Variants in LTF observed in about 807,000 individuals in gnomAD.
LTF encodes epididymis luminal protein 110.
Under a neutral mutation model 87.2 loss-of-function variants are expected in LTF, and 91 were observed. The observed-to-expected ratio is 1.04, with a 90% confidence interval of 0.88 to 1.24. The LOEUF (loss-of-function observed/expected upper bound fraction) is 1.24. Ranked by LOEUF, LTF falls within the 50% of genes most tolerant of loss-of-function variation. The pLI is 0.00. For missense variants in LTF, 901 were observed against 904.3 expected, an observed-to-expected ratio of 1.00 and a Z score of 0.05; for synonymous variants, 378 against 356.1, an observed-to-expected ratio of 1.06 and a Z score of -0.69.
rs1559614520 is a variant in LTF at position 46,482,546 on chromosome 3, AAGG to A, written c.-320+2437_-320+2439del. ...AAGGGAAGGGAAGGGAAGGGAAGGG[AAGG>A]GAAGGGAAGGGAAGGGAAGGGAAAG... On this transcript the variant is annotated intron_variant, in intron 1 of 19. Coordinates refer to the LTF transcript ENST00000443496. 1.6e-4 allele frequency among the ~76,000 whole-genome samples: 16 copies of A among 101,606 alleles called. 2 individuals carry two copies. In the South Asian group the frequency reaches 2.7e-3, roughly 17 times the overall value. 66.7% of individuals were successfully genotyped at this position (101,606 alleles called of 152,430 possible).
intron 1 of LTF, among the ~76,000 whole-genome samples, chr3:46,473,942 C>G (rs1703325531): frequency 6.6e-6 from 1 of 152,110 alleles, no homozygotes; most frequent in African/African-American, 2.4e-5. Context: ...CTACGGTAAC[C>G]ACTACGTAAC....
intron 1 of LTF, among the ~76,000 whole-genome samples, chr3:46,480,665 T>C (rs762293164): frequency 3.3e-5 from 5 of 152,136 alleles, no homozygotes; most frequent in Non-Finnish European, 5.9e-5. Context: ...AAGAGGACAA[T>C]GGCACATTCA....
intron 1 of LTF, among the ~76,000 whole-genome samples, chr3:46,471,052 C>T (rs1309631803): frequency 6.6e-6 from 1 of 152,182 alleles, no homozygotes; most frequent in East Asian, 1.9e-4. Flanking sequence ...GTGAGAGGGG[C>T]TGCATGGACC....
chr3:46,463,747 C>A (rs1206721597), intron 1 of LTF: 1 of 602,210 alleles, frequency 1.7e-6, no homozygotes, highest in African/African-American at 2.0e-5. Context: ...TAACCCTGTG[C>A]AACAGGCCAC....
rs1308285000 is a variant in LTF, at chr3:46,450,165, A to G, written c.883-137T>C. ...AGCCTCGGTTGAGACCCTCCTGCAG[A>G]GGGACTTGTGCCATCTCGGAGACCC... On this transcript the variant is annotated intron_variant, in intron 7 of 16. Coordinates refer to ENST00000231751, the MANE Select transcript of LTF (RefSeq NM_002343.6). 33 of 730,366 alleles carry G rather than the reference A, an allele frequency of 4.5e-5. No individual in the cohort carries two copies. The East Asian group carries it at 8.9e-4, about 20-fold the overall frequency. 45.2% of individuals were successfully genotyped at this position (730,366 alleles called of 1,614,324 possible). A position where few individuals can be genotyped will look rare whatever the true frequency, so the allele number is the denominator to read the frequency against.
rs1013427759 is a variant in LTF, at chr3:46,439,548, G to A, written c.1724-68C>T. 4.4e-5 allele frequency: 62 copies of A among 1,420,942 alleles called. No individual in the cohort carries two copies. The East Asian group carries it at 1.4e-3, about 32-fold the overall frequency. The allele number at this position is 1,420,942 out of a possible 1,614,324, so 88.0% of individuals were successfully genotyped here. A position where few individuals can be genotyped will look rare whatever the true frequency, so the allele number is the denominator to read the frequency against. On this transcript the variant is annotated intron_variant, in intron 14 of 16. Coordinates refer to ENST00000231751, the MANE Select transcript of LTF (RefSeq NM_002343.6). ...TTAGCCAAGAAGTCTCTTCTGGGTG[G>A]GTGTGGCCATTCCACTGACCTCCCA...
chr3:46,436,102 G>A lies in LTF; in HGVS notation c.*93C>T. The A allele has an allele frequency of 8.2e-7, 1 of 1,223,622 alleles. No homozygotes were observed. Among genetic ancestry groups the A allele is most frequent in the Non-Finnish European group, 1.2e-6 (1 of 827,490 alleles). The allele number at this position is 1,223,622 out of a possible 1,614,324, so 75.8% of individuals were successfully genotyped here. On this transcript the variant is annotated 3_prime_UTR_variant, in exon 17 of 17. Coordinates refer to ENST00000231751, the MANE Select transcript of LTF (RefSeq NM_002343.6). ...GGATGGGCAATCCCCACCTTCAGCA[G>A]GGGAGGCCAAGGCCCCAACACACCT...
In LTF at chr3:46,449,920, G is replaced by A. The variant is rs970565257; in HGVS notation, c.991C>T (p.Pro331Ser). The A allele has an allele frequency of 1.2e-6, 2 of 1,614,156 alleles. No individual in the cohort carries two copies. Among genetic ancestry groups the A allele is most frequent in the Admixed American group, 3.3e-5 (2 of 60,020 alleles). ...DSAIGFSRVP[P>S]RIDSGLYLGS... ...AGGTACAGCCCAGAATCTATCCTCG[G>A]GGGCACCCTCGAAAACCCAATGGCA... Residue 331 changes from proline to serine, a missense_variant, in exon 8 of 17, where the codon CCG (proline) becomes TCG (serine). Pro to Ser is a moderately conservative substitution (Grantham distance 74, BLOSUM62 -1). Transcript: ENST00000231751.
Position 46,445,342 on chromosome 3 carries a change from C to T in LTF, c.1452G>A (p.Arg484=), listed in dbSNP as rs773767772. ...CCATGGGGATATTCCAGCCTGCAGT[C>T]CTGTCCACGGCGGTGTGGCAGGACT... ...GKKSCHTAVD[R]TAGWNIPMGL... is the part of the protein sequence containing the mutation. Residue 484 remains arginine, a synonymous_variant, in exon 12 of 17, where the codon AGG becomes AGA. Transcript: ENST00000231751. The T allele has an allele frequency of 6.2e-7, 1 of 1,614,046 alleles. No homozygotes were observed. Among genetic ancestry groups the T allele is most frequent in the Non-Finnish European group, 8.5e-7 (1 of 1,179,974 alleles).
In LTF at chr3:46,456,777, T is replaced by C. The variant is rs138907680; in HGVS notation, c.208-379A>G. Among the ~76,000 whole-genome samples the C allele has an allele frequency of 1.2e-3, 185 of 152,364 alleles. 2 individuals carry two copies. Among genetic ancestry groups the C allele is most frequent in the African/African-American group, 4.3e-3 (178 of 41,592 alleles). ...AGAAAATATAGTTATTAAGCTATCC[T>C]AAAATTTTCATAAGAAACCATGTTC... On this transcript the variant is annotated intron_variant, in intron 2 of 16. Coordinates refer to ENST00000231751, the MANE Select transcript of LTF (RefSeq NM_002343.6).
intron 6 of LTF, among the ~76,000 whole-genome samples, chr3:46,452,327 G>A (rs894217825): frequency 7.2e-5 from 11 of 152,050 alleles, no homozygotes; most frequent in African/African-American, 2.7e-4. Context: ...ACCCACAAAG[G>A]AAAAATTTTA....
In LTF at chr3:46,455,844, G is replaced by C; in HGVS notation, c.451C>G (p.Leu151Val). 2 of 1,602,930 alleles carry C rather than the reference G, an allele frequency of 1.2e-6. No homozygotes were observed. Among genetic ancestry groups the C allele is most frequent in the Non-Finnish European group, 1.7e-6 (2 of 1,174,652 alleles). Residue 151 changes from leucine to valine, a missense_variant, in exon 4 of 17, where the codon CTT (leucine) becomes GTT (valine). Physicochemically the swap from Leu to Val is conservative, Grantham distance 32. Coordinates refer to ENST00000231751, the MANE Select transcript of LTF (RefSeq NM_002343.6). Reference protein sequence around the residue: ...TAGWNVPIGTLRPFLNWTGPP... With the variant: ...TAGWNVPIGTVRPFLNWTGPP... Reference sequence around the variant, plus strand: ...CCCGTCCAATTCAAGAATGGACGAAGTGTCCCTATAGGGACATTCCATCCA... The same window carrying C: ...CCCGTCCAATTCAAGAATGGACGAACTGTCCCTATAGGGACATTCCATCCA...
chr3:46,472,488 T>TTG (rs34825595), intron 1 of LTF, among the ~76,000 whole-genome samples: 7,447 of 106,262 alleles, frequency 0.07, 297 homozygotes, highest in South Asian at 0.11. Context: ...GAAAAGATTA[T>TTG]TGTGTGTGTG....
upstream of LTF, among the ~76,000 whole-genome samples, chr3:46,468,872 C>T (rs114652281): frequency 4.7e-3 from 710 of 152,264 alleles, 12 homozygotes; most frequent in African/African-American, 0.016. Flanking sequence ...CAGGCATAGT[C>T]GATGTATTTA....
chr3:46,437,287 T>C (rs1197546134), intron 16 of LTF, among the ~76,000 whole-genome samples: 1 of 151,940 alleles, frequency 6.6e-6, no homozygotes, highest in Admixed American at 6.6e-5. Flanking sequence ...GTTTTCTCTA[T>C]AGTTGGCATC....
intron 6 of LTF, among the ~76,000 whole-genome samples, chr3:46,451,974 A>G (rs1406746537): frequency 6.6e-6 from 1 of 152,240 alleles, no homozygotes; most frequent in East Asian, 1.9e-4. Context: ...ATTCACCGCA[A>G]AATCAGGAAC....
intron 16 of LTF, among the ~76,000 whole-genome samples, chr3:46,437,425 ATCC>A (rs1450690068): frequency 1.4e-5 from 2 of 139,500 alleles, no homozygotes; most frequent in Non-Finnish European, 3.1e-5. Context: ...GGATCAAGCA[ATCC>A]TCCTATTTCA....
Position 46,459,781 on chromosome 3 carries a change from A to G in LTF, c.82T>C (p.Cys28Arg), listed in dbSNP as rs1420212296. Residue 28 changes from cysteine (C) to arginine (R), a missense_variant, in exon 2 of 17, where the codon TGC (cysteine) becomes CGC (arginine). Cys to Arg is a radical substitution (Grantham distance 180, BLOSUM62 -3). Transcript: ENST00000231751. ...LAGRRRSVQW[C>R]AVSQPEATKC... ...GTGGCCTCGGGTTGGGATACGGCGC[A>G]CCACTGAACACTCCTCCTACGGCCA... 4.8e-6 allele frequency: 7 copies of G among 1,450,794 alleles called. No homozygotes were observed. Among genetic ancestry groups the G allele is most frequent in the Non-Finnish European group, 6.3e-6 (7 of 1,113,166 alleles). The allele number at this position is 1,450,794 out of a possible 1,614,324, so 89.9% of individuals were successfully genotyped here.
chr3:46,446,806 C>T (rs1055608661), intron 10 of LTF, among the ~76,000 whole-genome samples: 1 of 152,150 alleles, frequency 6.6e-6, no homozygotes, highest in African/African-American at 2.4e-5. Context: ...AAAAGCATAA[C>T]GATGAGCAAG....
Sources: gnomAD v4.1 joint callset for allele counts (sites outside exome capture counted in the v4.1 genomes callset) on GRCh38, gnomAD v4.1.1 for gene constraint, MANE v1.5 for transcripts, NCBI Gene and HGNC (gene_info 2026-07-23, HGNC 2026-07-21) for gene names.